The following CD2AP variants were observed in gnomAD, a reference collection of about 807,000 sequenced individuals.
CD2AP encodes the protein CD2-associated protein.
CD2AP carries 46 observed loss-of-function variants against 85.1 expected under a neutral mutation model. The ratio of observed to expected loss-of-function variants is 0.54; its 90% CI spans 0.43 to 0.69. CD2AP has a LOEUF of 0.69. Ranked by LOEUF, CD2AP falls within the 30% of genes least tolerant of loss-of-function variation. CD2AP has a pLI of 0.00. For missense variants in CD2AP, 769 were observed against 729.5 expected (o/e 1.05, Z -0.62); for synonymous variants, 255 against 252.9 (o/e 1.01, Z -0.08).
chr6:47,572,630 C>T (rs1490306900), intron 5 of CD2AP, among the ~76,000 whole-genome samples: 1 of 152,116 alleles, frequency 6.6e-6, no homozygotes, highest in Non-Finnish European at 1.5e-5. Context: ...TGGTCTGAGC[C>T]ATTATATTAA....
intron 13 of CD2AP, among the ~76,000 whole-genome samples, chr6:47,599,927 G>A (rs558087336): frequency 6.6e-6 from 1 of 150,832 alleles, no homozygotes; most frequent in African/African-American, 2.4e-5. Flanking sequence ...TTAAGCTTTA[G>A]GACTGGTTTT....
At chr6:47,583,080 G>T (rs1246266536) in intron 11 of CD2AP, among the ~76,000 whole-genome samples, 1 of 152,086 alleles carries the variant, frequency 6.6e-6, no homozygotes, top group South Asian at 2.1e-4. Context: ...TCCGTGCCTG[G>T]GCCAGTATCA....
At chr6:47,595,023 G>A (rs1305110826) in intron 11 of CD2AP, among the ~76,000 whole-genome samples, 2 of 151,734 alleles carry the variant, frequency 1.3e-5, no homozygotes, top group African/African-American at 4.8e-5. Context: ...TCTTATTTTT[G>A]TATATACGTC....
intron 11 of CD2AP, among the ~76,000 whole-genome samples, chr6:47,584,895 A>AT (rs1439531619): frequency 6.6e-6 from 1 of 151,876 alleles, no homozygotes; most frequent in Non-Finnish European, 1.5e-5. Context: ...TTTATTATCT[A>AT]TTTTTTTACT....
intron 9 of CD2AP, chr6:47,579,702 G>T: frequency 2.0e-6 from 1 of 511,764 alleles, no homozygotes. Context: ...CGACTGTACT[G>T]AAAAATAACC....
intron 3 of CD2AP, among the ~76,000 whole-genome samples, chr6:47,541,452 TA>T (rs1767214142): frequency 6.6e-6 from 1 of 152,206 alleles, no homozygotes; most frequent in Non-Finnish European, 1.5e-5. Flanking sequence ...TCTTTTATTA[TA>T]AAAACTACAA....
chr6:47,623,451 G>A (rs1191117497), intron 17 of CD2AP, among the ~76,000 whole-genome samples: 2 of 152,116 alleles, frequency 1.3e-5, no homozygotes, highest in African/African-American at 4.8e-5. Flanking sequence ...ACCATGACAA[G>A]TCCTGTGTCA....
intron 5 of CD2AP, among the ~76,000 whole-genome samples, chr6:47,563,269 A>T (rs553860486): frequency 1.3e-5 from 2 of 152,224 alleles, no homozygotes; most frequent in African/African-American, 4.8e-5. Flanking sequence ...CTAATAGTAT[A>T]AAATGACTTG....
chr6:47,556,071 T>A (rs74597832), intron 5 of CD2AP, among the ~76,000 whole-genome samples: 17 of 144,078 alleles, frequency 1.2e-4, no homozygotes, highest in South Asian at 2.2e-4. Flanking sequence ...TTTTTTTTTT[T>A]AATTATACTT....
At chr6:47,479,499 A>G (rs745338788) in intron 1 of CD2AP, among the ~76,000 whole-genome samples, 7 of 152,172 alleles carry the variant, frequency 4.6e-5, no homozygotes, top group South Asian at 2.1e-4. Flanking sequence ...TTCATACTCA[A>G]AAGTGCTCTT....
chr6:47,528,157 G>C (rs1766778314), intron 2 of CD2AP, among the ~76,000 whole-genome samples: 1 of 152,092 alleles, frequency 6.6e-6, no homozygotes, highest in Non-Finnish European at 1.5e-5. Context: ...ACTAATGGCT[G>C]TTTGAGCTTC....
chr6:47,546,735 A>G (rs190556931), intron 4 of CD2AP, among the ~76,000 whole-genome samples: 46 of 152,334 alleles, frequency 3.0e-4, no homozygotes, highest in Admixed American at 2.6e-4. Context: ...TCATCAGGTT[A>G]TCTAAAGTTA....
At chr6:47,562,529 T>G in intron 5 of CD2AP, 1 of 280,584 alleles carries the variant, frequency 3.6e-6, no homozygotes, top group Non-Finnish European at 6.7e-6. Flanking sequence ...TAAATTAGTT[T>G]GATGGCTCTT....
chr6:47,487,061 C>T (rs1325343087), intron 1 of CD2AP, among the ~76,000 whole-genome samples: 1 of 152,114 alleles, frequency 6.6e-6, no homozygotes, highest in African/African-American at 2.4e-5. Context: ...TGTGCTGTAG[C>T]AGGTTGCAGT....
intron 4 of CD2AP, among the ~76,000 whole-genome samples, chr6:47,550,537 A>AG (rs1200102223): frequency 6.6e-6 from 1 of 151,970 alleles, no homozygotes; most frequent in East Asian, 1.9e-4. Flanking sequence ...TAAAAAAAAA[A>AG]TAGATGTTTG....
intron 4 of CD2AP, among the ~76,000 whole-genome samples, chr6:47,545,944 G>C (rs1022157583): frequency 1.3e-5 from 2 of 152,060 alleles, no homozygotes; most frequent in South Asian, 4.1e-4. Flanking sequence ...GACAAAACAA[G>C]GTTCTTTACC....
intron 12 of CD2AP, 55 bp downstream of exon 12, chr6:47,596,081 A>G (rs1768936444): frequency 2.4e-6 from 3 of 1,264,128 alleles, no homozygotes. Flanking sequence ...TTTGACCTTA[A>G]TGGCTCTATT....
At chr6:47,571,367 G>A (rs1161716799) in intron 5 of CD2AP, among the ~76,000 whole-genome samples, 4 of 152,110 alleles carry the variant, frequency 2.6e-5, no homozygotes, top group African/African-American at 9.7e-5. Context: ...CACAGGACTG[G>A]TATTCCTGAG....
intron 5 of CD2AP, among the ~76,000 whole-genome samples, chr6:47,564,863 TTTC>T (rs1447805177): frequency 6.6e-6 from 1 of 151,566 alleles, no homozygotes; most frequent in Non-Finnish European, 1.5e-5. Flanking sequence ...ATATAAGTGT[TTTC>T]TTTTTTGCTT....
Sources: allele counts gnomAD v4.1 joint callset (sites outside exome capture counted in the v4.1 genomes callset), GRCh38; gene constraint gnomAD v4.1.1; transcripts MANE v1.5; gene names NCBI Gene and HGNC (gene_info 2026-07-23, HGNC 2026-07-21).